Variants in MGAT4C observed in about 807,000 individuals in gnomAD.
The protein encoded by MGAT4C is alpha-1,3-mannosyl-glycoprotein 4-beta-N-acetylglucosaminyltransferase C.
MGAT4C carries 19 observed loss-of-function variants against 40.1 expected under a neutral mutation model. The observed-to-expected ratio is 0.47, with a 90% CI of 0.33 to 0.70. MGAT4C has a LOEUF of 0.70. Ranked by LOEUF, MGAT4C falls within the 30% of genes least tolerant of loss-of-function variation. The pLI is 0.02. For missense variants in MGAT4C, 491 were observed against 563.2 expected (o/e 0.87, Z 1.30); for synonymous variants, 181 against 187.1 (o/e 0.97, Z 0.27).
chr12:86,121,463 A>C (rs574654681), intron 1 of MGAT4C, among the ~76,000 whole-genome samples: 6 of 152,160 alleles, frequency 3.9e-5, no homozygotes, highest in Non-Finnish European at 8.8e-5. Flanking sequence ...CCAAAGTTGA[A>C]ATGAAGGAAA....
intron 1 of MGAT4C, among the ~76,000 whole-genome samples, chr12:86,089,778 G>A (rs1471395827): frequency 4.6e-5 from 7 of 151,256 alleles, no homozygotes; most frequent in African/African-American, 1.5e-4. Flanking sequence ...GTTTCTCCTT[G>A]GCAGATTTTA....
intron 1 of MGAT4C, among the ~76,000 whole-genome samples, chr12:86,758,394 A>ATTT (rs1342956860): frequency 3.5e-4 from 46 of 130,740 alleles, no homozygotes; most frequent in East Asian, 2.7e-3. Context: ...TTTTTTTAAA[A>ATTT]AAAAGAAACT....
chr12:86,815,092 T>G (rs1952574049), intron 1 of MGAT4C, among the ~76,000 whole-genome samples: 1 of 151,978 alleles, frequency 6.6e-6, no homozygotes. Context: ...ATCATATTGT[T>G]AGCAAATAGT....
intron 3 of MGAT4C, among the ~76,000 whole-genome samples, chr12:86,350,941 G>GT (rs1281526772): frequency 2.0e-5 from 3 of 150,738 alleles, no homozygotes; most frequent in East Asian, 1.9e-4. Flanking sequence ...TAGACATGTT[G>GT]TTTTTTTAAT....
intron 1 of MGAT4C, among the ~76,000 whole-genome samples, chr12:86,142,438 C>T (rs1442901317): frequency 6.6e-6 from 1 of 152,108 alleles, no homozygotes; most frequent in Non-Finnish European, 1.5e-5. Context: ...GCTCATTTTC[C>T]TGTCAAACTT....
intron 3 of MGAT4C, among the ~76,000 whole-genome samples, chr12:86,370,136 G>A (rs1047675822): frequency 1.3e-5 from 2 of 151,974 alleles, no homozygotes; most frequent in African/African-American, 4.8e-5. Context: ...CGATTATTGA[G>A]CCTTAGTACC....
chr12:86,375,002 T>G (rs1955798081), intron 3 of MGAT4C, among the ~76,000 whole-genome samples: 1 of 152,124 alleles, frequency 6.6e-6, no homozygotes, highest in South Asian at 2.1e-4. Context: ...GTAATCCACT[T>G]CTTTTGCCAA....
rs929587907 is a variant in MGAT4C, at chr12:85,975,131, G to T, written c.*4158C>A. 6.6e-6 allele frequency: 1 copy of T among 150,698 alleles called. No homozygotes were observed. Among genetic ancestry groups the T allele is most frequent in the Non-Finnish European group, 1.5e-5 (1 of 67,068 alleles). 9.3% of individuals were successfully genotyped at this position (150,698 alleles called of 1,614,324 possible). On this transcript the variant is annotated 3_prime_UTR_variant, in exon 5 of 5. Transcript: ENST00000611864. ...GGGCAATTTTGATATTTTTGATAAGGTTTCTAGAGTAATAAATTAGAATGA... is the reference window on the plus strand; with the variant it reads ...GGGCAATTTTGATATTTTTGATAAGTTTTCTAGAGTAATAAATTAGAATGA...
At chr12:86,381,112 G>T (rs1283653930) in intron 3 of MGAT4C, among the ~76,000 whole-genome samples, 2 of 151,962 alleles carry the variant, frequency 1.3e-5, no homozygotes, top group Non-Finnish European at 2.9e-5. Context: ...CTCAAAAAGT[G>T]AAATATAAAA....
At chr12:86,198,327 T>G (rs1949902895) in intron 1 of MGAT4C, among the ~76,000 whole-genome samples, 1 of 152,192 alleles carries the variant, frequency 6.6e-6, no homozygotes. Flanking sequence ...CCCTGGGATA[T>G]TAGCACTATT....
intron 3 of MGAT4C, among the ~76,000 whole-genome samples, chr12:86,434,908 C>CTT (rs1957111144): frequency 6.6e-6 from 1 of 151,794 alleles, no homozygotes; most frequent in Non-Finnish European, 1.5e-5. Flanking sequence ...ACATTTCACT[C>CTT]AACAGAAGAG....
At chr12:86,773,005 A>C (rs1263996179) in intron 1 of MGAT4C, among the ~76,000 whole-genome samples, 1 of 152,098 alleles carries the variant, frequency 6.6e-6, no homozygotes, top group Non-Finnish European at 1.5e-5. Context: ...TGTATTTTGC[A>C]TGTGAGAAAG....
At chr12:86,589,913 A>G (rs1961250405) in intron 2 of MGAT4C, among the ~76,000 whole-genome samples, 1 of 151,992 alleles carries the variant, frequency 6.6e-6, no homozygotes, top group African/African-American at 2.4e-5. Context: ...CTATCCAATG[A>G]TTCAAAATAT....
At chr12:86,543,234 C>T (rs1959177089) in intron 2 of MGAT4C, among the ~76,000 whole-genome samples, 1 of 151,264 alleles carries the variant, frequency 6.6e-6, no homozygotes, top group Non-Finnish European at 1.5e-5. Flanking sequence ...GTTTTATATT[C>T]CTACCTTATT....
At chr12:86,764,033 C>A (rs7294603) in intron 1 of MGAT4C, among the ~76,000 whole-genome samples, 59,360 of 151,800 alleles carry the variant, frequency 0.39, 11,721 homozygotes, top group Non-Finnish European at 0.42. Flanking sequence ...GGTGGGTGCA[C>A]CGTGCATGAG....
intron 1 of MGAT4C, among the ~76,000 whole-genome samples, chr12:86,733,821 ATTCAG>A (rs1950946964): frequency 6.6e-6 from 1 of 152,156 alleles, no homozygotes; most frequent in African/African-American, 2.4e-5. Flanking sequence ...CTTGGAATTG[ATTCAG>A]TTAAGTTTTT....
intron 3 of MGAT4C, among the ~76,000 whole-genome samples, chr12:86,407,518 G>A (rs1399998379): frequency 6.6e-6 from 1 of 152,024 alleles, no homozygotes; most frequent in Non-Finnish European, 1.5e-5. Flanking sequence ...AAGAAAGTTT[G>A]GGTGAAGTTC....
intron 2 of MGAT4C, among the ~76,000 whole-genome samples, chr12:86,485,476 A>G (rs1448423489): frequency 7.2e-6 from 1 of 139,534 alleles, no homozygotes; most frequent in African/African-American, 2.5e-5. Flanking sequence ...ACCAAAAATT[A>G]GGAATGTCAG....
chr12:86,665,485 T>A (rs1415711391), intron 2 of MGAT4C, among the ~76,000 whole-genome samples: 3 of 152,040 alleles, frequency 2.0e-5, no homozygotes, highest in Non-Finnish European at 2.9e-5. Flanking sequence ...CAGGGCATTC[T>A]CCTGCCTCAG....
Sources: gnomAD v4.1 joint callset for allele counts (sites outside exome capture counted in the v4.1 genomes callset) on GRCh38, gnomAD v4.1.1 for gene constraint, MANE v1.5 for transcripts, NCBI Gene and HGNC (gene_info 2026-07-23, HGNC 2026-07-21) for gene names.